Variants in LRRC28 observed in about 807,000 individuals in gnomAD.
The protein encoded by LRRC28 is leucine rich repeat containing 28.
A neutral mutation model predicts 45.7 loss-of-function variants in LRRC28; 39 were observed. That is an observed-to-expected ratio of 0.85 (90% confidence interval 0.66 to 1.12). LRRC28 has a LOEUF of 1.12. LRRC28 is among the 50% of genes most tolerant of loss of function. The pLI is 0.00. For synonymous variants in LRRC28, 206 were observed against 178.8 expected (o/e 1.15, Z -1.22); for missense variants, 435 against 438.5 (o/e 0.99, Z 0.07).
At chr15:99,355,710 A>G (rs1597417036) in intron 7 of LRRC28, 1 of 150,496 alleles carries the variant, frequency 6.6e-6, no homozygotes, top group African/African-American at 2.5e-5. Context: ...CCTCTACAGG[A>G]TGTTTTTTCC....
At chr15:99,263,605 C>T (rs1332659047) in intron 2 of LRRC28, among the ~76,000 whole-genome samples, 2 of 152,190 alleles carry the variant, frequency 1.3e-5, no homozygotes, top group Admixed American at 6.5e-5. Flanking sequence ...CTTTCAAGAG[C>T]AGGAACTGTG....
chr15:99,355,755 C>A (rs1269999817), intron 7 of LRRC28: 13 of 146,914 alleles, frequency 8.8e-5, no homozygotes, highest in Non-Finnish European at 1.0e-4. Context: ...AAAAAAAAAA[C>A]CAAGCCACTA....
At chr15:99,274,860 A>G (rs1043149389) in intron 2 of LRRC28, among the ~76,000 whole-genome samples, 10 of 152,142 alleles carry the variant, frequency 6.6e-5, no homozygotes, top group African/African-American at 2.2e-4. Flanking sequence ...AGAAAGCTAT[A>G]CAGAACTACT....
chr15:99,316,543 A>G (rs1955600287), intron 5 of LRRC28, among the ~76,000 whole-genome samples: 1 of 152,296 alleles, frequency 6.6e-6, no homozygotes, highest in South Asian at 2.1e-4. Context: ...GATACAGTTC[A>G]TTCCATATTT....
rs1958153821 is a variant in LRRC28, at chr15:99,390,526, AATAG to A, written c.*4428_*4431del. ...AGTCTAAATGATCCAAGATTTTTAAAATAGATACATAATGAAATCCAGGCCTCTG... is the reference window on the plus strand; with the variant it reads ...AGTCTAAATGATCCAAGATTTTTAAAATACATAATGAAATCCAGGCCTCTG... On this transcript the variant is annotated 3_prime_UTR_variant, in exon 10 of 10. Transcript: ENST00000301981. 1 of 152,232 alleles carries A rather than the reference AATAG, an allele frequency of 6.6e-6. No homozygotes were observed. The allele number at this position is 152,232 out of a possible 1,614,324, so 9.4% of individuals were successfully genotyped here.
chr15:99,293,679 A>G (rs1386445412), intron 5 of LRRC28, among the ~76,000 whole-genome samples: 1 of 130,758 alleles, frequency 7.6e-6, no homozygotes, highest in Non-Finnish European at 1.6e-5. Context: ...TGTGCTTTCT[A>G]TTCTTCTTTT....
intron 5 of LRRC28, among the ~76,000 whole-genome samples, chr15:99,311,258 C>T (rs1955399416): frequency 6.6e-6 from 1 of 152,200 alleles, no homozygotes; most frequent in South Asian, 2.1e-4. Context: ...CCACTTGTGG[C>T]ATCATGTTGG....
At chr15:99,364,506 C>G (rs1260931100) in intron 9 of LRRC28, among the ~76,000 whole-genome samples, 1 of 152,114 alleles carries the variant, frequency 6.6e-6, no homozygotes, top group Non-Finnish European at 1.5e-5. Context: ...GATCAGATAA[C>G]CAGATTTGGT....
chr15:99,364,736 A>G (rs1272895621), intron 9 of LRRC28, among the ~76,000 whole-genome samples: 5 of 152,236 alleles, frequency 3.3e-5, no homozygotes, highest in Non-Finnish European at 5.9e-5. Context: ...AATAATATCT[A>G]TTTAATAGGG....
At chr15:99,384,460 GC>G (rs1200146313) in intron 9 of LRRC28, 1 of 152,106 alleles carries the variant, frequency 6.6e-6, no homozygotes, top group Admixed American at 6.5e-5. Context: ...TCTACATTTA[GC>G]CTCAGCCATG....
chr15:99,381,245 T>A (rs944695219), intron 9 of LRRC28, among the ~76,000 whole-genome samples: 1 of 152,224 alleles, frequency 6.6e-6, no homozygotes, highest in African/African-American at 2.4e-5. Context: ...TTACTCTTTT[T>A]TCTCTTAACT....
intron 3 of LRRC28, chr15:99,286,698 A>G (rs1173584700): frequency 6.6e-6 from 1 of 152,332 alleles, no homozygotes; most frequent in East Asian, 1.9e-4. Flanking sequence ...TAAGAGAAGC[A>G]TTTGATTTCT....
At chr15:99,256,259 C>A in intron 2 of LRRC28, 134 bp downstream of exon 2, 3 of 592,228 alleles carry the variant, frequency 5.1e-6, no homozygotes, top group Non-Finnish European at 5.3e-6. Context: ...TATAAATACA[C>A]ACACAGGGGT....
rs755747186 is a variant in LRRC28, at chr15:99,334,124, C to T, written c.587C>T (p.Pro196Leu). 6.2e-7 allele frequency: 1 copy of T among 1,614,102 alleles called. No individual in the cohort carries two copies. Among genetic ancestry groups the T allele is most frequent in the Admixed American group, 1.7e-5 (1 of 60,000 alleles). ...SMAGNRLAFL[P>L]LDLGRSRELQ... ...GCTGGAAACCGTCTTGCATTTTTGC[C>T]ACTTGGTAAGTGATTGTGTTTAAAG... The change falls in exon 6 of 10, where the codon CCA (proline) becomes CTA (leucine). Residue 196 changes from proline to leucine, a missense_variant. By Grantham distance (98) the Pro-to-Leu change is moderately conservative. Transcript: ENST00000301981.
intron 2 of LRRC28, among the ~76,000 whole-genome samples, chr15:99,270,431 C>T (rs1567611331): frequency 6.6e-6 from 1 of 151,304 alleles, no homozygotes; most frequent in Non-Finnish European, 1.5e-5. Flanking sequence ...ATTGCCCCGC[C>T]CCCACCCTCA....
At chr15:99,358,945 G>A (rs774034611) in intron 7 of LRRC28, among the ~76,000 whole-genome samples, 7 of 151,990 alleles carry the variant, frequency 4.6e-5, no homozygotes, top group Admixed American at 1.3e-4. Context: ...ACGTGGTGGC[G>A]GGTGCCTGTA....
chr15:99,355,017 CAG>C (rs1426996608), intron 7 of LRRC28, among the ~76,000 whole-genome samples: 2 of 152,154 alleles, frequency 1.3e-5, no homozygotes, highest in African/African-American at 4.8e-5. Context: ...ATTCACATCT[CAG>C]AGGGAGAATA....
intron 3 of LRRC28, among the ~76,000 whole-genome samples, chr15:99,281,169 A>C (rs1005469980): frequency 1.3e-5 from 2 of 151,484 alleles, no homozygotes; most frequent in Admixed American, 6.6e-5. Flanking sequence ...CTAGAAGTAC[A>C]GGCATGCACC....
At chr15:99,357,118 T>C (rs1957068099) in intron 7 of LRRC28, among the ~76,000 whole-genome samples, 1 of 152,178 alleles carries the variant, frequency 6.6e-6, no homozygotes, top group Non-Finnish European at 1.5e-5. Flanking sequence ...GATAAATCTG[T>C]AGTAGCTCCC....
Sources: allele counts gnomAD v4.1 joint callset (sites outside exome capture counted in the v4.1 genomes callset), GRCh38; gene constraint gnomAD v4.1.1; transcripts MANE v1.5; gene names NCBI Gene and HGNC (gene_info 2026-07-23, HGNC 2026-07-21).